The following CPA3 variants were observed in gnomAD, a reference collection of about 807,000 sequenced individuals.
CPA3 encodes mast cell carboxypeptidase A.
Under a neutral mutation model 55.8 loss-of-function variants are expected in CPA3, and 52 were observed. The observed-to-expected ratio is 0.93, with a 90% confidence interval of 0.75 to 1.17. The LOEUF (loss-of-function observed/expected upper bound fraction) is 1.17. Among genes scored for constraint, CPA3 ranks in the 50% most tolerant of loss-of-function variants. CPA3 has a pLI of 0.00. For missense variants in CPA3, 547 were observed against 509.1 expected (o/e 1.07, Z -0.72); for synonymous variants, 179 against 171.2 (o/e 1.05, Z -0.36).
chr3:148,890,114 A>C (rs992787262), intron 10 of CPA3, among the ~76,000 whole-genome samples: 2 of 152,164 alleles, frequency 1.3e-5, no homozygotes, highest in Admixed American at 1.3e-4. Context: ...CAGAAGAAAA[A>C]CAAAAATCAG....
intron 8 of CPA3, among the ~76,000 whole-genome samples, 181 bp downstream of exon 8, chr3:148,882,776 A>C (rs999968490): frequency 6.6e-6 from 1 of 152,148 alleles, no homozygotes; most frequent in African/African-American, 2.4e-5. Context: ...GTGTGGAAGG[A>C]AATGAGGAGG....
intron 3 of CPA3, among the ~76,000 whole-genome samples, chr3:148,869,514 A>G (rs1484220669): frequency 6.6e-6 from 1 of 152,232 alleles, no homozygotes; most frequent in Non-Finnish European, 1.5e-5. Context: ...TGTCATTGGT[A>G]TGTCAGAAGT....
chr3:148,892,162 A>G (rs1265572242), intron 10 of CPA3, among the ~76,000 whole-genome samples: 1 of 152,070 alleles, frequency 6.6e-6, no homozygotes, highest in Admixed American at 6.5e-5. Flanking sequence ...ATTTTCCAAA[A>G]AATAGGGTAC....
chr3:148,896,147 T>C (rs1415325106), intron 10 of CPA3, among the ~76,000 whole-genome samples: 1 of 130,464 alleles, frequency 7.7e-6, no homozygotes, highest in Non-Finnish European at 1.8e-5. Flanking sequence ...GTATCTTGTG[T>C]GTATAGTTTT....
At chr3:148,873,324 T>C (rs1485406826) in intron 3 of CPA3, among the ~76,000 whole-genome samples, 1 of 151,254 alleles carries the variant, frequency 6.6e-6, no homozygotes, top group Non-Finnish European at 1.5e-5. Context: ...ACCCTGACAG[T>C]GACTCTGCCT....
At chr3:148,882,722 T>C in intron 8 of CPA3, 127 bp downstream of exon 8, 1 of 709,886 alleles carries the variant, frequency 1.4e-6, no homozygotes, top group Admixed American at 2.5e-5. Context: ...TTTGTATCTA[T>C]AACATGAAAG....
intron 3 of CPA3, among the ~76,000 whole-genome samples, chr3:148,875,844 T>C (rs1714187549): frequency 6.6e-6 from 1 of 152,170 alleles, no homozygotes; most frequent in South Asian, 2.1e-4. Context: ...TACTGCCATA[T>C]TAATCTCAAA....
At chr3:148,885,835 A>G (rs540324403) in intron 9 of CPA3, among the ~76,000 whole-genome samples, 3 of 152,232 alleles carry the variant, frequency 2.0e-5, no homozygotes, top group East Asian at 3.9e-4. Flanking sequence ...TAATTTACAT[A>G]TTTACATATA....
intron 10 of CPA3, among the ~76,000 whole-genome samples, chr3:148,891,578 T>G (rs192495784): frequency 6.6e-6 from 1 of 152,312 alleles, no homozygotes; most frequent in African/African-American, 2.4e-5. Flanking sequence ...ATGTTGTATT[T>G]ACTTTATGAC....
At chr3:148,872,412 G>A (rs769879089) in intron 3 of CPA3, among the ~76,000 whole-genome samples, 1 of 152,096 alleles carries the variant, frequency 6.6e-6, no homozygotes, top group Non-Finnish European at 1.5e-5. Flanking sequence ...ATAAAGAGTT[G>A]TTAATGAAAG....
rs565656549 is a variant in CPA3, at chr3:148,882,942, C to T, written c.778+347C>T. On this transcript the variant is annotated intron_variant, in intron 8 of 10. Transcript: ENST00000296046. The stretch of plus-strand genomic sequence containing the variant: ...AATGTCAGTGGCTAAAAGCAACATA[C>T]AGACAGTTTTTCAGATATTTAGTGA... Among the ~76,000 whole-genome samples the T allele has an allele frequency of 2.0e-5, 3 of 152,190 alleles. No individual in the cohort carries two copies. In the South Asian group the frequency reaches 6.2e-4, roughly 32 times the overall value.
intron 9 of CPA3, among the ~76,000 whole-genome samples, chr3:148,885,472 G>A (rs918117635): frequency 1.3e-4 from 18 of 137,046 alleles, no homozygotes; most frequent in East Asian, 6.9e-4. Context: ...GTGCAGTGGC[G>A]CAATCTTGGC....
chr3:148,895,274 T>TA (rs1482198901), intron 10 of CPA3, among the ~76,000 whole-genome samples: 1 of 152,146 alleles, frequency 6.6e-6, no homozygotes, highest in Non-Finnish European at 1.5e-5. Context: ...TCTATCCTTG[T>TA]AGTTCACTGG....
intron 3 of CPA3, among the ~76,000 whole-genome samples, chr3:148,871,479 A>C (rs1714066326): frequency 6.6e-6 from 1 of 152,192 alleles, no homozygotes; most frequent in Admixed American, 6.5e-5. Flanking sequence ...GGAGTAAATC[A>C]CTGTAAGACA....
At chr3:148,868,835 T>C in intron 2 of CPA3, 80 bp from the exon 3 acceptor site, 1 of 1,512,568 alleles carries the variant, frequency 6.6e-7, no homozygotes, top group East Asian at 2.3e-5. Context: ...TTTCATGGTG[T>C]ATGAGACATG....
intron 7 of CPA3, among the ~76,000 whole-genome samples, chr3:148,882,011 AT>A (rs1400382115): frequency 2.6e-5 from 4 of 152,200 alleles, no homozygotes; most frequent in African/African-American, 7.2e-5. Context: ...ATCAAAAAAA[AT>A]AAAAGAGAGG....
At chr3:148,871,353 C>T (rs1349531370) in intron 3 of CPA3, among the ~76,000 whole-genome samples, 1 of 152,136 alleles carries the variant, frequency 6.6e-6, no homozygotes, top group African/African-American at 2.4e-5. Context: ...TATAATTTGG[C>T]TTGAACAGCA....
intron 9 of CPA3, among the ~76,000 whole-genome samples, chr3:148,884,696 T>C (rs987222211): frequency 2.0e-5 from 3 of 152,256 alleles, no homozygotes; most frequent in Middle Eastern, 3.4e-3. Flanking sequence ...ATCATCTCCA[T>C]ATATACAACA....
At chr3:148,877,149 A>G (rs1029731070) in intron 3 of CPA3, among the ~76,000 whole-genome samples, 10 of 152,222 alleles carry the variant, frequency 6.6e-5, no homozygotes, top group African/African-American at 2.2e-4. Flanking sequence ...TGACCATTAC[A>G]GCCACTGGAC....
Sources: allele counts gnomAD v4.1 joint callset (sites outside exome capture counted in the v4.1 genomes callset), GRCh38; gene constraint gnomAD v4.1.1; transcripts MANE v1.5; gene names NCBI Gene and HGNC (gene_info 2026-07-23, HGNC 2026-07-21).